CEP97: variants seen among roughly 807,000 people sequenced by gnomAD.
CEP97 encodes centrosomal protein of 97 kDa.
A neutral mutation model predicts 73.1 loss-of-function variants in CEP97; 43 were observed. The ratio of observed to expected loss-of-function variants is 0.59; its 90% CI spans 0.46 to 0.76. The LOEUF is 0.76. Among genes scored for constraint, CEP97 ranks in the 30% least tolerant of loss-of-function variants. The pLI is 0.00. For missense variants in CEP97, 939 were observed against 1,014.0 expected, an observed-to-expected ratio of 0.93 and a Z score of 1.00; for synonymous variants, 337 against 370.0, an observed-to-expected ratio of 0.91 and a Z score of 1.02.
At chr3:101,725,262 T>C (rs1937841620) in intron 1 of CEP97, among the ~76,000 whole-genome samples, 1 of 152,194 alleles carries the variant, frequency 6.6e-6, no homozygotes, top group South Asian at 2.1e-4. Context: ...ACACGGGTCC[T>C]AGGATCGAGT....
At chr3:101,736,756 G>T (rs1370068174) in intron 6 of CEP97, among the ~76,000 whole-genome samples, 10 of 152,196 alleles carry the variant, frequency 6.6e-5, no homozygotes, top group Non-Finnish European at 2.9e-5. Flanking sequence ...AGTGCAAAAA[G>T]GCTGAAAATT....
At chr3:101,752,501 G>C (rs192007913) in intron 6 of CEP97, among the ~76,000 whole-genome samples, 2 of 152,168 alleles carry the variant, frequency 1.3e-5, no homozygotes, top group East Asian at 3.8e-4. Context: ...TTCCAACTTG[G>C]TTCCATTCTC....
intron 9 of CEP97, among the ~76,000 whole-genome samples, chr3:101,759,869 G>C (rs1023883431): frequency 6.6e-6 from 1 of 152,070 alleles, no homozygotes; most frequent in Non-Finnish European, 1.5e-5. Flanking sequence ...CTTGGAAAGA[G>C]TTGTTTTGAG....
chr3:101,756,948 G>A, intron 7 of CEP97, 115 bp from the exon 8 acceptor site: 2 of 923,252 alleles, frequency 2.2e-6, no homozygotes, highest in South Asian at 1.9e-5. Flanking sequence ...TTAATTAAAA[G>A]TACCTACTTT....
chr3:101,752,288 T>C (rs1056288141), intron 6 of CEP97, among the ~76,000 whole-genome samples: 7 of 152,218 alleles, frequency 4.6e-5, no homozygotes, highest in African/African-American at 1.7e-4. Context: ...GGGCTTCCCT[T>C]TGTGGGTAAC....
At position 101,726,673 on chromosome 3, in the gene CEP97, G is replaced by T; in HGVS notation, c.123G>T (p.Leu41Phe). 6.2e-7 allele frequency: 1 copy of T among 1,608,404 alleles called. No homozygotes were observed. Among genetic ancestry groups the T allele is most frequent in the South Asian group, 1.1e-5 (1 of 90,778 alleles). Residue 41 changes from leucine to phenylalanine, a missense_variant, in exon 2 of 11, where the codon TTG (leucine) becomes TTT (phenylalanine). By Grantham distance (22) the Leu-to-Phe change is conservative. Transcript: ENST00000341893. ...CCTGTGAAGCTGATATTCACACTTT[G>T]ATTCTGGATAAAAATCAGATTATTA... ...NLPCEADIHT[L>F]ILDKNQIIKL...
chr3:101,730,228 G>GT (rs200862375), intron 4 of CEP97, among the ~76,000 whole-genome samples: 2 of 115,528 alleles, frequency 1.7e-5, no homozygotes, highest in Admixed American at 9.6e-5. Flanking sequence ...GGCCGAGTCT[G>GT]TTTTTTTGTT....
At chr3:101,763,468 C>G (rs1010397948) in intron 10 of CEP97, among the ~76,000 whole-genome samples, 6 of 151,786 alleles carry the variant, frequency 4.0e-5, no homozygotes, top group African/African-American at 1.2e-4. Context: ...GCTGCAACCT[C>G]CCAAGCAGCT....
intron 6 of CEP97, among the ~76,000 whole-genome samples, chr3:101,741,910 C>T (rs11706814): frequency 8.6e-5 from 13 of 151,864 alleles, no homozygotes; most frequent in East Asian, 1.9e-4. Context: ...GGTGTGGTGG[C>T]GCGCACCTGT....
chr3:101,745,514 C>G (rs1270291826), intron 6 of CEP97, among the ~76,000 whole-genome samples: 1 of 151,714 alleles, frequency 6.6e-6, no homozygotes, highest in Non-Finnish European at 1.5e-5. Flanking sequence ...GATCCTCCCG[C>G]CTCAGCCTCC....
intron 7 of CEP97, 64 bp downstream of exon 7, chr3:101,755,658 A>C (rs554025844): frequency 6.5e-7 from 1 of 1,529,130 alleles, no homozygotes; most frequent in Non-Finnish European, 9.0e-7. Context: ...AGTCTTTGCT[A>C]TGGTGATAGT....
intron 6 of CEP97, among the ~76,000 whole-genome samples, chr3:101,742,773 A>C (rs956898008): frequency 6.6e-6 from 1 of 151,836 alleles, no homozygotes; most frequent in African/African-American, 2.4e-5. Context: ...AAGAGATGGG[A>C]GGGTAGCTCA....
intron 6 of CEP97, among the ~76,000 whole-genome samples, chr3:101,753,281 G>A (rs1321532975): frequency 1.3e-5 from 2 of 152,200 alleles, no homozygotes; most frequent in African/African-American, 4.8e-5. Context: ...GTACCCGGCT[G>A]TGTGAGGTGT....
chr3:101,737,466 G>A (rs1938312799), intron 6 of CEP97, among the ~76,000 whole-genome samples: 2 of 152,190 alleles, frequency 1.3e-5, no homozygotes, highest in African/African-American at 4.8e-5. Context: ...ACAAAGGGAA[G>A]CCCATCAGAC....
intron 6 of CEP97, among the ~76,000 whole-genome samples, chr3:101,742,650 G>A (rs752376752): frequency 2.1e-4 from 32 of 151,664 alleles, no homozygotes; most frequent in Non-Finnish European, 3.8e-4. Context: ...CGAGTTGCTG[G>A]GTGCAGCAAA....
At chr3:101,760,594 T>G (rs1283890332) in intron 9 of CEP97, among the ~76,000 whole-genome samples, 1 of 151,988 alleles carries the variant, frequency 6.6e-6, no homozygotes, top group African/African-American at 2.4e-5. Flanking sequence ...GAGGCTGGAG[T>G]GTAGTGGCGT....
intron 6 of CEP97, among the ~76,000 whole-genome samples, chr3:101,747,988 T>G (rs1334078036): frequency 6.6e-6 from 1 of 151,606 alleles, no homozygotes; most frequent in Admixed American, 6.6e-5. Flanking sequence ...AAAAATTAGC[T>G]GGGTATGCTG....
intron 6 of CEP97, among the ~76,000 whole-genome samples, chr3:101,733,570 G>C (rs1163363085): frequency 6.7e-6 from 1 of 149,500 alleles, no homozygotes; most frequent in Admixed American, 6.7e-5. Context: ...TCGCTCTGTC[G>C]CCCAGACTGG....
intron 1 of CEP97, among the ~76,000 whole-genome samples, chr3:101,726,065 C>T (rs1245244731): frequency 6.6e-6 from 1 of 152,084 alleles, no homozygotes; most frequent in African/African-American, 2.4e-5. Context: ...ATTGAGTGCC[C>T]GGTGGCAGGA....
Sources: allele counts gnomAD v4.1 joint callset (sites outside exome capture counted in the v4.1 genomes callset), GRCh38; gene constraint gnomAD v4.1.1; transcripts MANE v1.5; gene names NCBI Gene and HGNC (gene_info 2026-07-23, HGNC 2026-07-21).